The following ME3 variants were observed in gnomAD, a reference collection of about 807,000 sequenced individuals.
The protein encoded by ME3 is NADP-dependent malic enzyme, mitochondrial.
A neutral mutation model predicts 68.9 loss-of-function variants in ME3; 48 were observed. The ratio of observed to expected loss-of-function variants is 0.70; its 90% CI spans 0.55 to 0.89. The LOEUF is 0.89. Among genes scored for constraint, ME3 ranks in the 40% least tolerant of loss-of-function variants. The pLI, the probability that ME3 is intolerant of heterozygous loss-of-function variation, is 0.00. For missense variants in ME3, 675 were observed against 797.4 expected, an observed-to-expected ratio of 0.85 and a Z score of 1.85; for synonymous variants, 320 against 318.8, an observed-to-expected ratio of 1.00 and a Z score of -0.04.
intron 2 of ME3, among the ~76,000 whole-genome samples, chr11:86,623,391 C>G (rs1193353594): frequency 6.6e-6 from 1 of 152,220 alleles, no homozygotes. Flanking sequence ...TTACCTGGTG[C>G]TCCAACTTGC....
At chr11:86,481,723 C>T (rs1035431943) in intron 7 of ME3, among the ~76,000 whole-genome samples, 2 of 152,104 alleles carry the variant, frequency 1.3e-5, no homozygotes, top group Non-Finnish European at 2.9e-5. Flanking sequence ...GAAAAATAAC[C>T]CAGAGCCTCC....
At chr11:86,598,212 G>A (rs1394364129) in intron 2 of ME3, among the ~76,000 whole-genome samples, 1 of 152,204 alleles carries the variant, frequency 6.6e-6, no homozygotes, top group East Asian at 1.9e-4. Context: ...AGGGGTGAGA[G>A]AATGGCATCT....
chr11:86,570,369 A>G (rs1000295004), intron 2 of ME3, among the ~76,000 whole-genome samples: 1 of 152,138 alleles, frequency 6.6e-6, no homozygotes, highest in Non-Finnish European at 1.5e-5. Context: ...CTCCTTGTGC[A>G]TATTCCTTCT....
intron 2 of ME3, among the ~76,000 whole-genome samples, chr11:86,633,710 C>T (rs139875781): frequency 1.1e-3 from 168 of 152,250 alleles, no homozygotes; most frequent in African/African-American, 3.9e-3. Context: ...AACAGAGGAC[C>T]GTGCTAGAGG....
At chr11:86,548,344 C>A (rs1956482357) in intron 4 of ME3, among the ~76,000 whole-genome samples, 1 of 152,208 alleles carries the variant, frequency 6.6e-6, no homozygotes, top group Admixed American at 6.5e-5. Flanking sequence ...AATTAACTTA[C>A]TCCATGTGAC....
intron 2 of ME3, among the ~76,000 whole-genome samples, chr11:86,615,277 A>G (rs1416474394): frequency 6.6e-6 from 1 of 152,186 alleles, no homozygotes; most frequent in Non-Finnish European, 1.5e-5. Flanking sequence ...TTACCCAAGA[A>G]ATCATCTAGT....
At chr11:86,479,879 A>G (rs1248558858) in intron 7 of ME3, among the ~76,000 whole-genome samples, 1 of 150,796 alleles carries the variant, frequency 6.6e-6, no homozygotes, top group East Asian at 1.9e-4. Context: ...CAGTGGTGCC[A>G]TCTCAGCTCA....
At chr11:86,442,460 C>A (rs1949052511) in intron 14 of ME3, among the ~76,000 whole-genome samples, 1 of 152,188 alleles carries the variant, frequency 6.6e-6, no homozygotes. Context: ...ATTGGGAGAG[C>A]TGGGACCCCA....
intron 2 of ME3, among the ~76,000 whole-genome samples, chr11:86,623,275 C>T (rs1200858220): frequency 6.6e-6 from 1 of 152,146 alleles, no homozygotes; most frequent in Admixed American, 6.5e-5. Context: ...TTCTCCTGCC[C>T]TTGGATATCA....
intron 2 of ME3, among the ~76,000 whole-genome samples, chr11:86,666,688 T>C (rs556375175): frequency 6.6e-6 from 1 of 152,344 alleles, no homozygotes; most frequent in Non-Finnish European, 1.5e-5. Context: ...CTAGAGTAAA[T>C]TGCCACTTAT....
At chr11:86,672,286 G>A (rs1947007414) in intron 1 of ME3, 38 bp downstream of exon 1, 3 of 246,860 alleles carry the variant, frequency 1.2e-5, no homozygotes, top group East Asian at 1.6e-4. Context: ...CTAATCCCGC[G>A]TGGTGGCTTG....
At chr11:86,568,406 C>T (rs910559673) in intron 2 of ME3, among the ~76,000 whole-genome samples, 2 of 152,194 alleles carry the variant, frequency 1.3e-5, no homozygotes, top group Admixed American at 6.5e-5. Flanking sequence ...GACCTGTGAC[C>T]ATTTCGACTG....
intron 2 of ME3, among the ~76,000 whole-genome samples, chr11:86,646,695 C>A (rs554961654): frequency 6.6e-6 from 1 of 152,218 alleles, no homozygotes; most frequent in Admixed American, 6.5e-5. Context: ...TCAGGAAATG[C>A]AGAGAACAAA....
At chr11:86,435,936 C>G in the ME3 span, 1 of 152,210 alleles carries the variant, frequency 6.6e-6, no homozygotes, top group Admixed American at 6.5e-5. Flanking sequence ...CACCTTCAGT[C>G]GAGGGCAATT....
chr11:86,499,704 A>C (rs1239553893), intron 5 of ME3, among the ~76,000 whole-genome samples: 1 of 152,138 alleles, frequency 6.6e-6, no homozygotes, highest in East Asian at 1.9e-4. Context: ...GATCCATGAA[A>C]ATCATGATAT....
chr11:86,544,875 A>T (rs113583417), intron 4 of ME3, among the ~76,000 whole-genome samples: 1 of 152,220 alleles, frequency 6.6e-6, no homozygotes, highest in African/African-American at 2.4e-5. Flanking sequence ...TTTCAGGCCA[A>T]TATCCCTGAT....
chr11:86,463,536 A>G (rs1207624800), intron 8 of ME3, among the ~76,000 whole-genome samples: 2 of 152,242 alleles, frequency 1.3e-5, no homozygotes, highest in Admixed American at 6.5e-5. Flanking sequence ...TCCCAGGCCT[A>G]TGCAACAGGG....
chr11:86,450,290 A>G lies in ME3; in HGVS notation c.1017+11T>C, dbSNP rs756618396. 7.4e-6 allele frequency: 12 copies of G among 1,613,180 alleles called. No individual in the cohort carries two copies. The highest frequency in any genetic ancestry group is 1.7e-5 in the Admixed American group (1 of 60,018). The stretch of plus-strand genomic sequence containing the variant: ...CCTGGAGCAACCAAAGAAACCCTCA[A>G]TGCCACATACCTCGCCTGCACCTTG... On this transcript the variant is annotated intron_variant, in intron 9 of 14. Coordinates refer to ENST00000543262, the Ensembl canonical transcript of ME3.
At chr11:86,450,492 G>A in intron 8 of ME3, 94 bp from the exon 9 acceptor site, 1 of 1,009,716 alleles carries the variant, frequency 9.9e-7, no homozygotes, top group Non-Finnish European at 1.5e-6. Context: ...TGGGACTGTG[G>A]AGGAACAGGC....
Sources: allele counts gnomAD v4.1 joint callset (sites outside exome capture counted in the v4.1 genomes callset), GRCh38; gene constraint gnomAD v4.1.1; transcripts MANE v1.5; gene names NCBI Gene and HGNC (gene_info 2026-07-23, HGNC 2026-07-21).